TMEM123: variants seen among roughly 807,000 people sequenced by gnomAD.
TMEM123 encodes the protein porimin.
TMEM123 carries 16 observed loss-of-function variants against 19.7 expected under a neutral mutation model. The observed-to-expected ratio is 0.81, with a 90% CI of 0.55 to 1.23. TMEM123 has a LOEUF of 1.23. TMEM123 is among the 50% of genes most tolerant of loss of function. The pLI, the probability that TMEM123 is intolerant of heterozygous loss-of-function variation, is 0.00. For synonymous variants in TMEM123, 118 were observed against 99.4 expected (o/e 1.19, Z -1.12); for missense variants, 313 against 257.8 (o/e 1.21, Z -1.47).
At chr11:102,410,553 A>G (rs1343326880) in intron 2 of TMEM123, among the ~76,000 whole-genome samples, 1 of 150,802 alleles carries the variant, frequency 6.6e-6, no homozygotes, top group Non-Finnish European at 1.5e-5. Context: ...CAAGAGCATC[A>G]GGCTAGACTG....
chr11:102,426,747 A>G (rs1169392703), intron 2 of TMEM123, among the ~76,000 whole-genome samples: 1 of 151,616 alleles, frequency 6.6e-6, no homozygotes, highest in Middle Eastern at 3.2e-3. Flanking sequence ...AAGGTATGCA[A>G]AGATCTTTGG....
intron 2 of TMEM123, among the ~76,000 whole-genome samples, chr11:102,443,691 C>G (rs924811659): frequency 1.2e-4 from 18 of 152,064 alleles, no homozygotes; most frequent in African/African-American, 4.1e-4. Context: ...CCAAAATAGA[C>G]GAATGGGATC....
Position 102,403,954 on chromosome 11 carries a change from G to T in TMEM123, c.158-1748C>A, listed in dbSNP as rs546756007. ...TTATAAAAGCCCTCCCCAGAAACCA[G>T]GGCTTGCAGAACTTTCCCAGCCTGC... is the stretch of plus-strand genomic sequence containing the variant. On this transcript the variant is annotated intron_variant, in intron 2 of 4. Coordinates refer to ENST00000398136, the MANE Select transcript of TMEM123 (RefSeq NM_052932.3). 2.2e-4 allele frequency among the ~76,000 whole-genome samples: 34 copies of T among 152,298 alleles called. 1 individual carries two copies. In the South Asian group the frequency reaches 5.4e-3, roughly 24 times the overall value.
chr11:102,443,305 G>A (rs1311171604), intron 2 of TMEM123, among the ~76,000 whole-genome samples: 1 of 152,130 alleles, frequency 6.6e-6, no homozygotes, highest in Non-Finnish European at 1.5e-5. Context: ...TACACTACAA[G>A]GCTACAGTAA....
In TMEM123 at chr11:102,430,133, G is replaced by A. The variant is rs372077217; in HGVS notation, c.157+18679C>T. Reference sequence around the variant, plus strand: ...AAAGAGGCAAAGAACAGAGTTGCCCGGGACCACAGAAGACAACTGTGGCAA... The same window carrying A: ...AAAGAGGCAAAGAACAGAGTTGCCCAGGACCACAGAAGACAACTGTGGCAA... On this transcript the variant is annotated intron_variant, in intron 2 of 4. Transcript: ENST00000398136. Among the ~76,000 whole-genome samples the A allele has an allele frequency of 7.2e-5, 11 of 152,292 alleles. No homozygotes were observed. The East Asian group carries it at 1.2e-3, about 16-fold the overall frequency.
At chr11:102,427,457 T>C (rs1952138656) in intron 2 of TMEM123, among the ~76,000 whole-genome samples, 1 of 149,712 alleles carries the variant, frequency 6.7e-6, no homozygotes, top group Admixed American at 6.6e-5. Flanking sequence ...CTTTTTTTTT[T>C]TTTTTTTTGG....
At chr11:102,444,097 T>C (rs1857856873) in intron 2 of TMEM123, among the ~76,000 whole-genome samples, 1 of 152,202 alleles carries the variant, frequency 6.6e-6, no homozygotes, top group Admixed American at 6.5e-5. Flanking sequence ...ACGCTGTTGG[T>C]GGGAGGGTAA....
chr11:102,411,684 G>GGA (rs1952006033), intron 2 of TMEM123, among the ~76,000 whole-genome samples: 1 of 142,560 alleles, frequency 7.0e-6, no homozygotes, highest in Non-Finnish European at 1.5e-5. Flanking sequence ...GCAGAGGTGG[G>GGA]AAAAAAAAAA....
intron 2 of TMEM123, among the ~76,000 whole-genome samples, chr11:102,440,666 A>G (rs1167984224): frequency 6.6e-6 from 1 of 152,246 alleles, no homozygotes; most frequent in Non-Finnish European, 1.5e-5. Flanking sequence ...CCCAGCTAAC[A>G]TCATAATGAC....
intron 2 of TMEM123, among the ~76,000 whole-genome samples, chr11:102,412,081 C>T (rs765497007): frequency 2.0e-5 from 3 of 152,108 alleles, no homozygotes; most frequent in Admixed American, 1.3e-4. Context: ...CTCAGCTCTG[C>T]GAAATTCTAC....
Position 102,402,223 on chromosome 11 carries a change from A to G in TMEM123, c.158-17T>C, listed in dbSNP as rs143450475. 6.2e-7 allele frequency: 1 copy of G among 1,608,146 alleles called. No homozygotes were observed. Among genetic ancestry groups the G allele is most frequent in the East Asian group, 2.2e-5 (1 of 44,818 alleles). ...GGAGAGTCTCTGCAATAATATCAAG[A>G]AACATTAAAACCAGAGCTATGATTT... On this transcript the variant is annotated splice_polypyrimidine_tract_variant and intron_variant, in intron 2 of 4. Coordinates refer to ENST00000398136, the MANE Select transcript of TMEM123 (RefSeq NM_052932.3).
chr11:102,431,448 A>G (rs1291489934), intron 2 of TMEM123, among the ~76,000 whole-genome samples: 1 of 152,210 alleles, frequency 6.6e-6, no homozygotes, highest in African/African-American at 2.4e-5. Context: ...ACCATACACG[A>G]TAAACTATAT....
chr11:102,428,249 G>A (rs762698732), intron 2 of TMEM123, among the ~76,000 whole-genome samples: 4 of 151,950 alleles, frequency 2.6e-5, no homozygotes, highest in South Asian at 2.1e-4. Context: ...ATATTATTAC[G>A]TTACTACTGC....
intron 2 of TMEM123, among the ~76,000 whole-genome samples, chr11:102,403,404 C>T (rs1300333944): frequency 6.6e-6 from 1 of 152,178 alleles, no homozygotes; most frequent in Non-Finnish European, 1.5e-5. Context: ...CAGAAGCAAA[C>T]CTTTCTGTGT....
intron 2 of TMEM123, among the ~76,000 whole-genome samples, chr11:102,431,652 T>C (rs1788263797): frequency 6.6e-6 from 1 of 152,234 alleles, no homozygotes; most frequent in South Asian, 2.1e-4. Context: ...CTGAATAGTA[T>C]TCCATTGTGT....
chr11:102,429,316 A>C (rs1314582896), intron 2 of TMEM123, among the ~76,000 whole-genome samples: 1 of 152,170 alleles, frequency 6.6e-6, no homozygotes, highest in African/African-American at 2.4e-5. Context: ...ATCTGGGATG[A>C]TGTCTACTTT....
chr11:102,399,031 T>C, intron 4 of TMEM123, 140 bp from the exon 5 acceptor site: 1 of 726,388 alleles, frequency 1.4e-6, no homozygotes, highest in Non-Finnish European at 2.2e-6. Flanking sequence ...GTAAAGTTCC[T>C]TAAGTATCCA....
At chr11:102,415,845 T>C (rs1952040289) in intron 2 of TMEM123, among the ~76,000 whole-genome samples, 1 of 152,082 alleles carries the variant, frequency 6.6e-6, no homozygotes, top group Non-Finnish European at 1.5e-5. Flanking sequence ...CTCAATGAAA[T>C]TGAGATGTGA....
chr11:102,407,612 A>G (rs1294550660), intron 2 of TMEM123, among the ~76,000 whole-genome samples: 1 of 152,240 alleles, frequency 6.6e-6, no homozygotes, highest in African/African-American at 2.4e-5. Flanking sequence ...GACCTTATTA[A>G]AAGTGAAAAG....
Sources: allele counts gnomAD v4.1 joint callset (sites outside exome capture counted in the v4.1 genomes callset), GRCh38; gene constraint gnomAD v4.1.1; transcripts MANE v1.5; gene names NCBI Gene and HGNC (gene_info 2026-07-23, HGNC 2026-07-21).